Variants in NRCAM observed in about 807,000 individuals in gnomAD.
NRCAM encodes the protein neuronal cell adhesion molecule, also known as NgCAM-related cell adhesion molecule.
In NRCAM, 83 loss-of-function variants were observed where a neutral mutation model predicts 156.5. The ratio of observed to expected loss-of-function variants is 0.53; its 90% CI spans 0.44 to 0.64. The LOEUF (loss-of-function observed/expected upper bound fraction) is 0.64, where lower values mean the gene tolerates loss of function less well. NRCAM is among the 30% of genes least tolerant of loss of function. The pLI, the probability that NRCAM is intolerant of heterozygous loss-of-function variation, is 0.00. For synonymous variants in NRCAM, 538 were observed against 563.9 expected (o/e 0.95, Z 0.65); for missense variants, 1,417 against 1,597.3 (o/e 0.89, Z 1.92).
intron 2 of NRCAM, among the ~76,000 whole-genome samples, chr7:108,398,431 A>G (rs909336023): frequency 2.6e-5 from 4 of 152,026 alleles, no homozygotes; most frequent in Admixed American, 1.3e-4. Context: ...CCCTCCTTCA[A>G]TATTGCTCTA....
At chr7:108,361,247 A>G (rs534817285) in intron 2 of NRCAM, among the ~76,000 whole-genome samples, 1 of 152,372 alleles carries the variant, frequency 6.6e-6, no homozygotes, top group East Asian at 1.9e-4. Flanking sequence ...ATGCTGGTGA[A>G]GATGACACAG....
intron 30 of NRCAM, among the ~76,000 whole-genome samples, chr7:108,165,724 T>C (rs1311236492): frequency 2.6e-5 from 4 of 151,904 alleles, no homozygotes; most frequent in African/African-American, 9.7e-5. Context: ...TAATACATTA[T>C]TGTTGTTTCT....
Position 108,176,314 on chromosome 7 carries a change from G to A in NRCAM, c.3151+116C>T. 2 of 846,966 alleles carry A rather than the reference G, an allele frequency of 2.4e-6. 1 individual carries two copies. The highest frequency in any genetic ancestry group is 3.8e-6 in the Non-Finnish European group (2 of 532,332). 52.5% of individuals were successfully genotyped at this position (846,966 alleles called of 1,614,324 possible). On this transcript the variant is annotated intron_variant, in intron 27 of 32. Coordinates refer to ENST00000379028, the MANE Select transcript of NRCAM (RefSeq NM_001037132.4). ...TCAGAATGAGAAATTACAAATAAGT[G>A]TTTGCGTTAATCAGGTAAGACAGAC...
intron 3 of NRCAM, among the ~76,000 whole-genome samples, chr7:108,268,097 C>T (rs1183072892): frequency 1.3e-5 from 2 of 152,134 alleles, no homozygotes; most frequent in African/African-American, 2.4e-5. Flanking sequence ...TTCCTGTTCA[C>T]TCTGCACTTT....
At chr7:108,208,244 T>A (rs2082233582) in intron 12 of NRCAM, among the ~76,000 whole-genome samples, 1 of 151,886 alleles carries the variant, frequency 6.6e-6, no homozygotes, top group Admixed American at 6.6e-5. Flanking sequence ...AGGTGGAGGT[T>A]GCAGTGAGCC....
chr7:108,299,486 G>C lies in NRCAM; in HGVS notation c.-107+13179C>G, dbSNP rs1031957926. 2.0e-5 allele frequency among the ~76,000 whole-genome samples: 3 copies of C among 152,064 alleles called. No homozygotes were observed. In the East Asian group the frequency reaches 5.8e-4, roughly 29 times the overall value. ...ATAGAATCAGTCATATAAAAGATAAGAATACCCAATGTAATAGCAGGCAAG... is the reference window on the plus strand; with the variant it reads ...ATAGAATCAGTCATATAAAAGATAACAATACCCAATGTAATAGCAGGCAAG... On this transcript the variant is annotated intron_variant, in intron 3 of 32. Coordinates refer to ENST00000379028, the MANE Select transcript of NRCAM (RefSeq NM_001037132.4).
chr7:108,448,335 T>G (rs1434409958), intron 1 of NRCAM, among the ~76,000 whole-genome samples: 1 of 152,258 alleles, frequency 6.6e-6, no homozygotes, highest in Non-Finnish European at 1.5e-5. Flanking sequence ...TCAATGTTAT[T>G]TCCCTAAAAG....
intron 4 of NRCAM, 29 bp from the exon 5 acceptor site, chr7:108,237,798 G>A: frequency 6.4e-7 from 1 of 1,573,808 alleles, no homozygotes; most frequent in Non-Finnish European, 8.6e-7. Flanking sequence ...CAGCAGGTAA[G>A]TGGGCAAAGA....
intron 2 of NRCAM, among the ~76,000 whole-genome samples, chr7:108,378,118 G>A (rs1294975565): frequency 6.6e-6 from 1 of 152,102 alleles, no homozygotes; most frequent in African/African-American, 2.4e-5. Context: ...AAGACATCAT[G>A]AGAAAGAACC....
chr7:108,364,481 T>C (rs1354484965), intron 2 of NRCAM, among the ~76,000 whole-genome samples: 1 of 152,168 alleles, frequency 6.6e-6, no homozygotes, highest in Non-Finnish European at 1.5e-5. Flanking sequence ...AGTTACTATA[T>C]GACCCAGAGA....
chr7:108,424,323 C>T (rs6466228), intron 1 of NRCAM, among the ~76,000 whole-genome samples: 136,996 of 152,208 alleles, frequency 0.9, 62,103 homozygotes, highest in East Asian at 1. Flanking sequence ...CCATTCTGTT[C>T]AGTAAGAAAG....
chr7:108,235,754 T>C (rs2094907949), intron 5 of NRCAM, among the ~76,000 whole-genome samples: 1 of 152,118 alleles, frequency 6.6e-6, no homozygotes, highest in Non-Finnish European at 1.5e-5. Flanking sequence ...ATCTCGTAGA[T>C]AGAGGCCAGG....
intron 32 of NRCAM, 48 bp from the exon 33 acceptor site, chr7:108,150,195 A>G (rs1277466453): frequency 6.7e-7 from 1 of 1,495,264 alleles, no homozygotes; most frequent in Non-Finnish European, 9.1e-7. Flanking sequence ...TTTAGGTAAC[A>G]TTTTCTGTTT....
At chr7:108,169,683 A>G (rs1186875984) in intron 28 of NRCAM, among the ~76,000 whole-genome samples, 3 of 152,158 alleles carry the variant, frequency 2.0e-5, no homozygotes, top group African/African-American at 4.8e-5. Context: ...CCTTCTGTGG[A>G]CCTAATTAAT....
At chr7:108,435,106 C>G (rs2154472817) in intron 1 of NRCAM, among the ~76,000 whole-genome samples, 1 of 151,428 alleles carries the variant, frequency 6.6e-6, no homozygotes, top group East Asian at 1.9e-4. Flanking sequence ...GACTTCTAAT[C>G]AGCTATTATA....
chr7:108,326,974 A>G (rs2099075546), intron 2 of NRCAM, among the ~76,000 whole-genome samples: 2 of 152,116 alleles, frequency 1.3e-5, no homozygotes, highest in African/African-American at 4.8e-5. Context: ...TTATTTTGGT[A>G]TCTTTCTCCC....
intron 30 of NRCAM, among the ~76,000 whole-genome samples, chr7:108,161,182 A>C (rs2048713552): frequency 6.6e-6 from 1 of 152,222 alleles, no homozygotes; most frequent in Non-Finnish European, 1.5e-5. Context: ...CGTTATTGCT[A>C]AGGATCCATT....
chr7:108,185,004 C>G (rs987067354), intron 20 of NRCAM, among the ~76,000 whole-genome samples: 1 of 151,016 alleles, frequency 6.6e-6, no homozygotes, highest in Non-Finnish European at 1.5e-5. Flanking sequence ...TAGAATTAAT[C>G]CATATATCCC....
chr7:108,206,437 A>G (rs934740554), intron 13 of NRCAM, among the ~76,000 whole-genome samples: 4 of 152,224 alleles, frequency 2.6e-5, no homozygotes, highest in Non-Finnish European at 5.9e-5. Context: ...TATTGTGAGT[A>G]AAGAATACCT....
Sources: gnomAD v4.1 joint callset for allele counts (sites outside exome capture counted in the v4.1 genomes callset) on GRCh38, gnomAD v4.1.1 for gene constraint, MANE v1.5 for transcripts, NCBI Gene and HGNC (gene_info 2026-07-23, HGNC 2026-07-21) for gene names.